The following TBC1D5 variants were observed in gnomAD, a reference collection of about 807,000 sequenced individuals.
TBC1D5 encodes TBC1 domain family member 5.
TBC1D5 carries 75 observed loss-of-function variants against 100.3 expected under a neutral mutation model. The ratio of observed to expected loss-of-function variants is 0.75; its 90% confidence interval spans 0.62 to 0.91. The LOEUF is 0.91. Ranked by LOEUF, TBC1D5 falls within the 40% of genes least tolerant of loss-of-function variation. TBC1D5 has a pLI of 0.00. For synonymous variants in TBC1D5, 323 were observed against 325.6 expected (o/e 0.99, Z 0.09); for missense variants, 910 against 942.4 (o/e 0.97, Z 0.45).
chr3:17,470,876 G>A (rs555166990), intron 3 of TBC1D5, among the ~76,000 whole-genome samples: 7 of 152,090 alleles, frequency 4.6e-5, no homozygotes, highest in East Asian at 3.9e-4. Flanking sequence ...AGCCAAGATC[G>A]CACCACTGTA....
intron 2 of TBC1D5, among the ~76,000 whole-genome samples, chr3:17,531,547 A>G (rs1181714757): frequency 6.6e-6 from 1 of 152,214 alleles, no homozygotes. Flanking sequence ...AGCCAAAAGA[A>G]CGAAGCTGGA....
At chr3:17,214,029 C>T (rs1402422436) in intron 18 of TBC1D5, among the ~76,000 whole-genome samples, 178 bp downstream of exon 19, 2 of 150,008 alleles carry the variant, frequency 1.3e-5, no homozygotes, top group South Asian at 2.1e-4. Context: ...GTAATATAGG[C>T]TACAGCCTTA....
intron 3 of TBC1D5, among the ~76,000 whole-genome samples, chr3:17,492,335 G>A (rs2095649628): frequency 6.6e-6 from 1 of 151,872 alleles, no homozygotes; most frequent in African/African-American, 2.4e-5. Flanking sequence ...GTAGCTTTGG[G>A]GTTTGTCTGC....
intron 14 of TBC1D5, among the ~76,000 whole-genome samples, chr3:17,302,864 A>G (rs1243708167): frequency 2.6e-5 from 4 of 152,218 alleles, no homozygotes; most frequent in Non-Finnish European, 5.9e-5. Context: ...TTATTGAATG[A>G]ATGAGATTTA....
chr3:17,402,611 G>C (rs149796080), intron 8 of TBC1D5, among the ~76,000 whole-genome samples: 1 of 152,012 alleles, frequency 6.6e-6, no homozygotes, highest in Non-Finnish European at 1.5e-5. Context: ...ATGATCTTCT[G>C]ACACAAATTC....
At chr3:17,526,909 G>C (rs1340095562) in intron 2 of TBC1D5, among the ~76,000 whole-genome samples, 4 of 152,116 alleles carry the variant, frequency 2.6e-5, no homozygotes, top group Non-Finnish European at 4.4e-5. Flanking sequence ...TTCTCAACAT[G>C]TCTGTTGAGG....
intron 13 of TBC1D5, among the ~76,000 whole-genome samples, chr3:17,348,320 A>G (rs2090154823): frequency 1.3e-5 from 2 of 152,196 alleles, no homozygotes; most frequent in South Asian, 2.1e-4. Context: ...GCCTGCTAAT[A>G]TATTAAGCAA....
chr3:17,513,951 T>C (rs1055070140), intron 2 of TBC1D5, among the ~76,000 whole-genome samples: 3 of 152,048 alleles, frequency 2.0e-5, no homozygotes, highest in Admixed American at 2.0e-4. Flanking sequence ...TATTTAGAAA[T>C]GTTGGTAGCT....
At chr3:17,669,785 A>C (rs887987982) in intron 1 of TBC1D5, among the ~76,000 whole-genome samples, 1 of 152,234 alleles carries the variant, frequency 6.6e-6, no homozygotes, top group Non-Finnish European at 1.5e-5. Context: ...GAGGAGAAGC[A>C]AGTCAGTGAG....
chr3:17,705,496 T>C (rs555316640), intron 1 of TBC1D5, among the ~76,000 whole-genome samples: 2 of 141,232 alleles, frequency 1.4e-5, no homozygotes, highest in South Asian at 2.4e-4. Context: ...TCAGACGGGG[T>C]GGTTGCCAGG....
chr3:17,728,181 G>A (rs1021295514), intron 1 of TBC1D5, among the ~76,000 whole-genome samples: 1 of 152,140 alleles, frequency 6.6e-6, no homozygotes, highest in Admixed American at 6.5e-5. Flanking sequence ...GTTTAACGGA[G>A]CAATATTTGA....
chr3:17,707,232 CCCA>C (rs1259838048), intron 1 of TBC1D5, among the ~76,000 whole-genome samples: 1 of 151,836 alleles, frequency 6.6e-6, no homozygotes, highest in Admixed American at 6.6e-5. Context: ...ATGCATTATT[CCCA>C]CTTCTTTTTA....
chr3:17,210,575 G>T (rs7617933), intron 18 of TBC1D5, among the ~76,000 whole-genome samples: 71,570 of 151,920 alleles, frequency 0.47, 18,219 homozygotes, highest in African/African-American at 0.63. Flanking sequence ...TTCCTCATTC[G>T]TTGTTAGAAT....
At chr3:17,309,357 G>A (rs1351564103) in intron 13 of TBC1D5, among the ~76,000 whole-genome samples, 2 of 151,782 alleles carry the variant, frequency 1.3e-5, no homozygotes. Context: ...AGAATAATTA[G>A]ATTATATTTT....
chr3:17,305,446 G>A (rs1381514439), intron 14 of TBC1D5, among the ~76,000 whole-genome samples: 2 of 152,142 alleles, frequency 1.3e-5, no homozygotes, highest in East Asian at 3.8e-4. Flanking sequence ...TGTAAACCAA[G>A]ACTATCCCAA....
intron 3 of TBC1D5, among the ~76,000 whole-genome samples, chr3:17,504,432 T>C (rs1283593239): frequency 1.3e-5 from 2 of 151,740 alleles, no homozygotes; most frequent in African/African-American, 4.8e-5. Flanking sequence ...ACTTAAAGTA[T>C]AATAATAATA....
intron 16 of TBC1D5, among the ~76,000 whole-genome samples, chr3:17,252,360 T>C (rs1449985815): frequency 6.6e-6 from 1 of 152,228 alleles, no homozygotes; most frequent in Non-Finnish European, 1.5e-5. Flanking sequence ...CTGTGCTAAC[T>C]ATCCCAGTTT....
At chr3:17,721,128 ACCACACCCCG>A (rs2153965921) in intron 1 of TBC1D5, among the ~76,000 whole-genome samples, 1 of 152,210 alleles carries the variant, frequency 6.6e-6, no homozygotes, top group South Asian at 2.1e-4. Context: ...GGGATGAGAA[ACCACACCCCG>A]CCGAGACTGT....
At chr3:17,467,915 C>T (rs777073468) in intron 3 of TBC1D5, among the ~76,000 whole-genome samples, 2 of 152,038 alleles carry the variant, frequency 1.3e-5, no homozygotes, top group Non-Finnish European at 2.9e-5. Context: ...TCCCCTTCCC[C>T]CAAATATCTT....
Sources: allele counts gnomAD v4.1 joint callset (sites outside exome capture counted in the v4.1 genomes callset), GRCh38; gene constraint gnomAD v4.1.1; transcripts MANE v1.5; gene names NCBI Gene and HGNC (gene_info 2026-07-23, HGNC 2026-07-21).